Variants in RBFOX2 observed in about 807,000 individuals in gnomAD.
The protein encoded by RBFOX2 is RNA binding fox-1 homolog 2.
Under a neutral mutation model 49.1 loss-of-function variants are expected in RBFOX2, and 10 were observed. The ratio of observed to expected loss-of-function variants is 0.20; its 90% confidence interval spans 0.13 to 0.35. The LOEUF (loss-of-function observed/expected upper bound fraction) is 0.35. Ranked by LOEUF, RBFOX2 falls within the 10% of genes least tolerant of loss-of-function variation. The probability of loss-of-function intolerance (pLI) is 1.00; values close to 1 mark genes in which losing one functional copy is unlikely to be tolerated. For missense variants in RBFOX2, 323 were observed against 486.9 expected, an observed-to-expected ratio of 0.66 and a Z score of 3.17; for synonymous variants, 183 against 187.4, an observed-to-expected ratio of 0.98 and a Z score of 0.19.
intron 1 of RBFOX2, among the ~76,000 whole-genome samples, chr22:35,920,684 G>GC (rs1176477290): frequency 8.5e-5 from 13 of 152,158 alleles, no homozygotes; most frequent in Admixed American, 2.0e-4. Context: ...ACGGACTTTA[G>GC]CAAGAATTAT....
chr22:35,921,480 G>A (rs946632236), intron 1 of RBFOX2, among the ~76,000 whole-genome samples: 4 of 152,172 alleles, frequency 2.6e-5, no homozygotes, highest in African/African-American at 7.2e-5. Flanking sequence ...TGAGGATACT[G>A]CTCTAGGCAA....
intron 1 of RBFOX2, among the ~76,000 whole-genome samples, chr22:35,951,170 G>A (rs2054877872): frequency 6.7e-6 from 1 of 150,018 alleles, no homozygotes; most frequent in Non-Finnish European, 1.5e-5. Flanking sequence ...TAGCCAGGAT[G>A]GTCTCAATCT....
chr22:35,787,841 C>T (rs1203157450), intron 2 of RBFOX2, among the ~76,000 whole-genome samples: 1 of 152,150 alleles, frequency 6.6e-6, no homozygotes, highest in Non-Finnish European at 1.5e-5. Context: ...CTAACGTATC[C>T]ACTGGGCAAG....
chr22:35,966,819 T>C lies in RBFOX2; in HGVS notation c.187-27922A>G, dbSNP rs372162797. 1.1e-4 allele frequency among the ~76,000 whole-genome samples: 16 copies of C among 152,286 alleles called. No homozygotes were observed. The South Asian group carries it at 3.3e-3, about 32-fold the overall frequency. ...ACTTTCTTTTATATACATATAATTT[T>C]TCCCCCTCCAAAAGACAGGGTCTTG... On this transcript the variant is annotated intron_variant, in intron 1 of 13. Coordinates refer to the RBFOX2 transcript ENST00000438146.
intron 5 of RBFOX2, among the ~76,000 whole-genome samples, chr22:35,767,301 T>C (rs974085388): frequency 1.3e-5 from 2 of 152,160 alleles, no homozygotes; most frequent in African/African-American, 4.8e-5. Flanking sequence ...GGACTTTTTC[T>C]TTCTTATTTA....
intron 1 of RBFOX2, among the ~76,000 whole-genome samples, chr22:35,848,032 C>T (rs1056798826): frequency 3.9e-5 from 6 of 152,096 alleles, no homozygotes; most frequent in African/African-American, 1.4e-4. Flanking sequence ...ATTATTTTTT[C>T]ATATATGTCT....
chr22:36,010,858 G>C (rs946093691), intron 1 of RBFOX2, among the ~76,000 whole-genome samples: 3 of 151,988 alleles, frequency 2.0e-5, no homozygotes, highest in Non-Finnish European at 4.4e-5. Context: ...CCATACCCTA[G>C]GGAAGAAGAG....
intron 1 of RBFOX2, among the ~76,000 whole-genome samples, chr22:35,930,281 A>G (rs1174337674): frequency 2.0e-5 from 3 of 151,908 alleles, no homozygotes; most frequent in Non-Finnish European, 4.4e-5. Context: ...GCAGTCTCCC[A>G]AAGTGCTGGG....
chr22:35,746,460 T>C lies in RBFOX2; in HGVS notation c.976+13A>G. 6.4e-7 allele frequency: 1 copy of C among 1,568,086 alleles called. No individual in the cohort carries two copies. The highest frequency in any genetic ancestry group is 1.2e-5 in the South Asian group (1 of 86,468). On this transcript the variant is annotated intron_variant, in intron 10 of 11. Transcript: ENST00000405409. ...TCATGCATCCCAAAGCTCACCACTG[T>C]CTCTGTACATACCCGTCACTGTAAG...
chr22:35,916,950 T>G (rs558720181), intron 1 of RBFOX2, among the ~76,000 whole-genome samples: 201 of 151,774 alleles, frequency 1.3e-3, no homozygotes, highest in African/African-American at 4.7e-3. Context: ...ACCTGATGCA[T>G]AGCAAGCATT....
rs546125924 is a variant in RBFOX2 at position 35,884,953 on chromosome 22, G to C, written c.-34+53894C>G. ...GTGCCTCCTATCATAGGAGGCACTT[G>C]GGAATTTGTTTTCTTATCTCTTCCA... On this transcript the variant is annotated intron_variant, in intron 1 of 13. Coordinates refer to the RBFOX2 transcript ENST00000359369. Among the ~76,000 whole-genome samples the C allele has an allele frequency of 6.6e-5, 10 of 152,214 alleles. No individual in the cohort carries two copies. In the East Asian group the frequency reaches 1.5e-3, roughly 23 times the overall value.
intron 2 of RBFOX2, among the ~76,000 whole-genome samples, chr22:35,806,437 A>C (rs1448609024): frequency 1.3e-5 from 2 of 152,214 alleles, no homozygotes; most frequent in Non-Finnish European, 2.9e-5. Context: ...ATTAGACCTA[A>C]GCTGCTATAT....
intron 1 of RBFOX2, among the ~76,000 whole-genome samples, chr22:35,838,973 T>C (rs1222868694): frequency 5.9e-5 from 9 of 152,204 alleles, no homozygotes. Context: ...CCTAAAATGA[T>C]GCCTCCATCC....
intron 1 of RBFOX2, among the ~76,000 whole-genome samples, chr22:35,816,327 T>A (rs537642010): frequency 2.0e-5 from 3 of 152,290 alleles, no homozygotes; most frequent in South Asian, 4.1e-4. Context: ...ACTTTTTTTT[T>A]AAACTACCAT....
rs35854576 is a variant in RBFOX2 at position 35,869,469 on chromosome 22, CAAAAAAAAAAAAAAAA to C, written c.-33-59481_-33-59466del. On this transcript the variant is annotated intron_variant, in intron 1 of 13. Transcript: ENST00000359369. ...CCACCACACCCAGCCAACGGCTGAC[CAAAAAAAAAAAAAAAA>C]AAAAAAAAAAAAAAAAAAAATGTAG... 7.2e-4 allele frequency among the ~76,000 whole-genome samples: 22 copies of C among 30,568 alleles called. No homozygotes were observed. In the East Asian group the frequency reaches 9.4e-3, roughly 13 times the overall value. The allele number at this position is 30,568 out of a possible 152,430, so 20.1% of individuals were successfully genotyped here. A position where few individuals can be genotyped will look rare whatever the true frequency, so the allele number is the denominator to read the frequency against.
intron 1 of RBFOX2, among the ~76,000 whole-genome samples, chr22:35,899,536 T>G (rs528926549): frequency 6.7e-6 from 1 of 149,606 alleles, no homozygotes; most frequent in Admixed American, 6.6e-5. Context: ...TGCTCCTGCA[T>G]GTTCACATTT....
At chr22:35,768,420 G>C (rs1191155147) in intron 4 of RBFOX2, 71 bp from the exon 6 acceptor site, 71 of 1,324,496 alleles carry the variant, frequency 5.4e-5, no homozygotes, top group Non-Finnish European at 7.5e-5. Context: ...TTGGTAAATA[G>C]AGAAAAAATA....
At chr22:35,852,485 T>A (rs1569391652) in intron 1 of RBFOX2, among the ~76,000 whole-genome samples, 3 of 149,728 alleles carry the variant, frequency 2.0e-5, no homozygotes, top group African/African-American at 7.4e-5. Flanking sequence ...ACCTTTCTTT[T>A]TAAAAAAAAA....
At chr22:35,829,377 A>C (rs1445497492) in intron 1 of RBFOX2, among the ~76,000 whole-genome samples, 1 of 152,182 alleles carries the variant, frequency 6.6e-6, no homozygotes, top group East Asian at 1.9e-4. Flanking sequence ...AAAAAGGAAA[A>C]AAATGAACAT....
Sources: allele counts gnomAD v4.1 joint callset (sites outside exome capture counted in the v4.1 genomes callset), GRCh38; gene constraint gnomAD v4.1.1; transcripts MANE v1.5; gene names NCBI Gene and HGNC (gene_info 2026-07-23, HGNC 2026-07-21).